The following EXOC6B variants were observed in gnomAD, a reference collection of about 807,000 sequenced individuals.
The protein encoded by EXOC6B is exocyst complex component 6B.
In EXOC6B, 54 loss-of-function variants were observed where a neutral mutation model predicts 113.5. That is an observed-to-expected ratio of 0.48 (90% CI 0.38 to 0.60). The LOEUF (loss-of-function observed/expected upper bound fraction) is 0.60, where lower values mean the gene tolerates loss of function less well. Among genes scored for constraint, EXOC6B ranks in the 20% least tolerant of loss-of-function variants. EXOC6B has a pLI of 0.00. For synonymous variants in EXOC6B, 357 were observed against 339.0 expected, an observed-to-expected ratio of 1.05 and a Z score of -0.58; for missense variants, 797 against 977.5, an observed-to-expected ratio of 0.82 and a Z score of 2.46.
At chr2:72,204,160 T>C (rs1679679919) in intron 20 of EXOC6B, among the ~76,000 whole-genome samples, 1 of 152,166 alleles carries the variant, frequency 6.6e-6, no homozygotes, top group Non-Finnish European at 1.5e-5. Context: ...TTTTGTCTTA[T>C]TAGTGTTCAG....
At chr2:72,408,941 G>A (rs556976472) in intron 18 of EXOC6B, among the ~76,000 whole-genome samples, 2 of 152,186 alleles carry the variant, frequency 1.3e-5, no homozygotes, top group Admixed American at 1.3e-4. Context: ...CCTACAAAAT[G>A]GGAGAAAATT....
intron 7 of EXOC6B, among the ~76,000 whole-genome samples, chr2:72,564,356 T>A (rs1704048576): frequency 1.3e-5 from 2 of 152,168 alleles, no homozygotes; most frequent in South Asian, 4.1e-4. Context: ...CCAAAAAGAG[T>A]TTGACAGAGA....
chr2:72,711,814 AC>A (rs1679289893), intron 6 of EXOC6B, among the ~76,000 whole-genome samples: 1 of 152,176 alleles, frequency 6.6e-6, no homozygotes, highest in African/African-American at 2.4e-5. Flanking sequence ...GGTAGTATAT[AC>A]AGCATGGATA....
intron 1 of EXOC6B, among the ~76,000 whole-genome samples, chr2:72,774,916 G>A (rs1683611329): frequency 6.6e-6 from 1 of 152,056 alleles, no homozygotes. Flanking sequence ...TCCCTACCAG[G>A]TTCAATAATT....
chr2:72,808,357 T>C (rs1409035015), intron 1 of EXOC6B, among the ~76,000 whole-genome samples: 2 of 152,118 alleles, frequency 1.3e-5, no homozygotes, highest in Non-Finnish European at 2.9e-5. Flanking sequence ...AAAGACAAAG[T>C]TTCATTCAAA....
chr2:72,421,006 CAT>C (rs1476604839), intron 18 of EXOC6B, among the ~76,000 whole-genome samples: 9 of 152,172 alleles, frequency 5.9e-5, no homozygotes, highest in Middle Eastern at 3.4e-3. Flanking sequence ...AGCTTTTTTT[CAT>C]ATGTTTGTTG....
chr2:72,403,866 GACAGTGGGTGCAGT>G (rs1193861676), intron 18 of EXOC6B, among the ~76,000 whole-genome samples: 1 of 152,154 alleles, frequency 6.6e-6, no homozygotes, highest in Non-Finnish European at 1.5e-5. Context: ...GAGGGTGCAG[GACAGTGGGTGCAGT>G]ACACCGAGCA....
At chr2:72,330,332 G>A (rs1239528796) in intron 20 of EXOC6B, among the ~76,000 whole-genome samples, 1 of 151,922 alleles carries the variant, frequency 6.6e-6, no homozygotes, top group Non-Finnish European at 1.5e-5. Context: ...ATTTAATGAG[G>A]AGAATAGATA....
At chr2:72,401,576 T>TATACAC (rs1693245230) in intron 18 of EXOC6B, among the ~76,000 whole-genome samples, 1 of 25,948 alleles carries the variant, frequency 3.9e-5, no homozygotes, top group East Asian at 6.9e-4. Flanking sequence ...CATATATATA[T>TATACAC]ATATACATAT....
intron 11 of EXOC6B, among the ~76,000 whole-genome samples, chr2:72,502,522 C>G (rs528851019): frequency 1.3e-5 from 2 of 151,940 alleles, no homozygotes; most frequent in East Asian, 3.9e-4. Context: ...CACCCCACCC[C>G]GGGCAACAAA....
intron 20 of EXOC6B, among the ~76,000 whole-genome samples, chr2:72,315,713 T>C (rs905521214): frequency 5.9e-5 from 9 of 152,036 alleles, no homozygotes; most frequent in African/African-American, 2.2e-4. Flanking sequence ...CTCCATAGTT[T>C]CTAGTCCTAG....
At chr2:72,476,538 A>G (rs2105470384) in intron 17 of EXOC6B, among the ~76,000 whole-genome samples, 1 of 152,302 alleles carries the variant, frequency 6.6e-6, no homozygotes, top group African/African-American at 2.4e-5. Flanking sequence ...GCACAGAGTT[A>G]CAGTCTTAGG....
intron 17 of EXOC6B, among the ~76,000 whole-genome samples, chr2:72,470,293 A>G (rs889576426): frequency 4.6e-5 from 7 of 151,554 alleles, no homozygotes; most frequent in African/African-American, 9.7e-5. Context: ...GACATTTTTC[A>G]CCTCCCTGGT....
At chr2:72,200,515 A>G (rs1679425395) in intron 20 of EXOC6B, among the ~76,000 whole-genome samples, 1 of 152,180 alleles carries the variant, frequency 6.6e-6, no homozygotes, top group East Asian at 1.9e-4. Context: ...CAGTGAAGCT[A>G]TGGTATAGAG....
At chr2:72,760,209 C>CA (rs975786085) in intron 1 of EXOC6B, among the ~76,000 whole-genome samples, 2 of 151,932 alleles carry the variant, frequency 1.3e-5, no homozygotes, top group African/African-American at 4.8e-5. Flanking sequence ...GATGCTCCAC[C>CA]AAAAAAAATC....
chr2:72,456,565 T>A (rs1238782652), intron 18 of EXOC6B, among the ~76,000 whole-genome samples: 1 of 152,084 alleles, frequency 6.6e-6, no homozygotes, highest in Non-Finnish European at 1.5e-5. Context: ...ATGGAAAAAA[T>A]TTTAAGTCAA....
At chr2:72,816,460 G>A (rs972974006) in intron 1 of EXOC6B, among the ~76,000 whole-genome samples, 2 of 152,102 alleles carry the variant, frequency 1.3e-5, no homozygotes, top group African/African-American at 4.8e-5. Flanking sequence ...GAGAAAATAA[G>A]ATAATATATG....
intron 19 of EXOC6B, among the ~76,000 whole-genome samples, chr2:72,357,473 T>C (rs1690034609): frequency 1.3e-5 from 2 of 152,004 alleles, no homozygotes; most frequent in African/African-American, 4.8e-5. Flanking sequence ...GGTGGGTCAT[T>C]TGAGGCCAGG....
chr2:72,296,176 T>C (rs1186589851), intron 20 of EXOC6B, among the ~76,000 whole-genome samples: 1 of 152,166 alleles, frequency 6.6e-6, no homozygotes, highest in African/African-American at 2.4e-5. Flanking sequence ...GTGCTGAATA[T>C]AGGATAATAT....
Sources: gnomAD v4.1 joint callset for allele counts (sites outside exome capture counted in the v4.1 genomes callset) on GRCh38, gnomAD v4.1.1 for gene constraint, MANE v1.5 for transcripts, NCBI Gene and HGNC (gene_info 2026-07-23, HGNC 2026-07-21) for gene names.